The following SLC35A3 variants were observed in gnomAD, a reference collection of about 807,000 sequenced individuals.
SLC35A3 encodes UDP-N-acetylglucosamine transporter.
SLC35A3 carries 26 observed loss-of-function variants against 39.0 expected under a neutral mutation model. The observed-to-expected ratio is 0.67, with a 90% CI of 0.49 to 0.92. The LOEUF is 0.92. Ranked by LOEUF, SLC35A3 falls within the 40% of genes least tolerant of loss-of-function variation. The probability of loss-of-function intolerance (pLI) is 0.00; values close to 1 mark genes in which losing one functional copy is unlikely to be tolerated. For missense variants in SLC35A3, 299 were observed against 371.6 expected (o/e 0.80, Z 1.61); for synonymous variants, 135 against 133.1 (o/e 1.01, Z -0.10).
chr1:100,029,540 C>T lies in SLC35A3; in HGVS notation c.*7064C>T, dbSNP rs750711851. On this transcript the variant is annotated 3_prime_UTR_variant, in exon 8 of 8. Transcript: ENST00000533028. ...CCGCCTCCTGGGTTTGAGCAATTCT[C>T]CTACCTCAGCCTCCCAAGTAGCTGG... is the stretch of plus-strand genomic sequence containing the variant. 1 of 150,372 alleles carries T rather than the reference C, an allele frequency of 6.7e-6. No homozygotes were observed. Among genetic ancestry groups the T allele is most frequent in the Non-Finnish European group, 1.5e-5 (1 of 67,924 alleles). The allele number at this position is 150,372 out of a possible 1,614,324, so 9.3% of individuals were successfully genotyped here. A position where few individuals can be genotyped will look rare whatever the true frequency, so the allele number is the denominator to read the frequency against.
chr1:99,972,525 G>A lies in SLC35A3; in HGVS notation c.-19+2363G>A, dbSNP rs151304037. Reference sequence around the variant, plus strand: ...TAATTTTTGTATTTTTAGTAGAGACGGGGGTTTCACCATGTTGGCCAGGCT... The same window carrying A: ...TAATTTTTGTATTTTTAGTAGAGACAGGGGTTTCACCATGTTGGCCAGGCT... On this transcript the variant is annotated intron_variant, in intron 1 of 7. Coordinates refer to ENST00000533028, the MANE Select transcript of SLC35A3 (RefSeq NM_012243.3). Among the ~76,000 whole-genome samples the A allele has an allele frequency of 7.3e-3, 1,080 of 148,858 alleles. 11 individuals carry two copies. The highest frequency in any genetic ancestry group is 0.026 in the African/African-American group (1,046 of 40,500).
intron 1 of SLC35A3, chr1:99,970,586 A>C: frequency 6.5e-7 from 1 of 1,536,098 alleles, no homozygotes; most frequent in Non-Finnish European, 8.7e-7. Flanking sequence ...GATGCACCCG[A>C]CCAGCACCTG....
chr1:100,034,930 T>A lies in SLC35A3; in HGVS notation c.*12454T>A, dbSNP rs2101567620. 6.6e-6 allele frequency: 1 copy of A among 152,306 alleles called. No individual in the cohort carries two copies. The highest frequency in any genetic ancestry group is 1.9e-4 in the East Asian group (1 of 5,170). The allele number at this position is 152,306 out of a possible 1,614,324, so 9.4% of individuals were successfully genotyped here. On this transcript the variant is annotated 3_prime_UTR_variant, in exon 8 of 8. Coordinates refer to ENST00000533028, the MANE Select transcript of SLC35A3 (RefSeq NM_012243.3). ...TCTCATTAATTTTCAAAACTTCCAA[T>A]ATCCTTCCAAATAATTCCCTTTTGC...
At chr1:99,972,970 T>A (rs1297076900) in intron 1 of SLC35A3, among the ~76,000 whole-genome samples, 1 of 152,226 alleles carries the variant, frequency 6.6e-6, no homozygotes, top group African/African-American at 2.4e-5. Flanking sequence ...GCTGCCTCAA[T>A]TATATTTGAA....
rs983578982 is a variant in SLC35A3 at position 100,032,888 on chromosome 1, T to G, written c.*10412T>G. 1.3e-5 allele frequency: 2 copies of G among 152,236 alleles called. No homozygotes were observed. The highest frequency in any genetic ancestry group is 4.8e-5 in the African/African-American group (2 of 41,464). 9.4% of individuals were successfully genotyped at this position (152,236 alleles called of 1,614,324 possible). On this transcript the variant is annotated 3_prime_UTR_variant, in exon 8 of 8. Transcript: ENST00000533028. ...CATGACCACATTAGTCTTTTAGTCC[T>G]TATTTGCTTTAGGCACAAGAAATCT...
intron 3 of SLC35A3, among the ~76,000 whole-genome samples, chr1:100,004,445 A>C (rs1659052222): frequency 6.6e-6 from 1 of 152,024 alleles, no homozygotes. Context: ...GGGCCTACCC[A>C]TGCACACCAC....
chr1:100,007,005 A>G (rs1170585211), intron 3 of SLC35A3, 29 bp from the exon 4 acceptor site: 5 of 1,572,388 alleles, frequency 3.2e-6, no homozygotes, highest in Middle Eastern at 1.8e-4. Flanking sequence ...ACAAACGAAC[A>G]TTAATAATAT....
rs184050073 is a variant in SLC35A3, at chr1:99,980,284, G to A, written c.-19+10122G>A. 2.0e-5 allele frequency among the ~76,000 whole-genome samples: 3 copies of A among 152,182 alleles called. No homozygotes were observed. The East Asian group carries it at 5.8e-4, about 29-fold the overall frequency. On this transcript the variant is annotated intron_variant, in intron 1 of 7. Transcript: ENST00000533028. ...TGTAGAATATCTTTAACTGTTGTAAGTGGTGGGAAGTGACCATAACAGAAT... is the reference window on the plus strand; with the variant it reads ...TGTAGAATATCTTTAACTGTTGTAAATGGTGGGAAGTGACCATAACAGAAT...
intron 6 of SLC35A3, among the ~76,000 whole-genome samples, chr1:100,016,412 T>A (rs760023121): frequency 7.3e-6 from 1 of 137,924 alleles, no homozygotes; most frequent in South Asian, 2.3e-4. Context: ...CTCGCTCTGT[T>A]GCCCAGGCTG....
intron 4 of SLC35A3, chr1:100,007,955 ATTTTTTT>A (rs66589634): frequency 2.9e-5 from 4 of 136,018 alleles, no homozygotes; most frequent in Admixed American, 7.3e-5. Context: ...TAACTTTTTA[ATTTTTTT>A]TTTTTTTTTG....
At chr1:99,970,398 G>A in intron 1 of SLC35A3, 1 of 621,820 alleles carries the variant, frequency 1.6e-6, no homozygotes, top group East Asian at 2.7e-5. Flanking sequence ...AATGTACTGG[G>A]TGGAGGAGGA....
At chr1:99,982,003 C>CTTTTT (rs549298454) in intron 1 of SLC35A3, among the ~76,000 whole-genome samples, 1 of 125,834 alleles carries the variant, frequency 7.9e-6, no homozygotes. Context: ...AGGATGTATT[C>CTTTTT]TTTTTTTTTT....
chr1:100,022,147 A>G (rs1018021055), intron 7 of SLC35A3, among the ~76,000 whole-genome samples: 2 of 126,626 alleles, frequency 1.6e-5, no homozygotes, highest in African/African-American at 3.9e-5. Context: ...CTGTTTCCTC[A>G]TGTGTAAAAA....
intron 1 of SLC35A3, among the ~76,000 whole-genome samples, chr1:99,984,032 A>G (rs950682587): frequency 6.6e-6 from 1 of 152,210 alleles, no homozygotes; most frequent in Non-Finnish European, 1.5e-5. Context: ...GGATATCCCA[A>G]TTAACCCTCA....
At position 100,024,665 on chromosome 1, in the gene SLC35A3, C is replaced by T. The variant is rs1443090098; in HGVS notation, c.*2189C>T. 2.9e-6 allele frequency: 1 copy of T among 347,408 alleles called. No homozygotes were observed. Among genetic ancestry groups the T allele is most frequent in the Non-Finnish European group, 5.1e-6 (1 of 196,126 alleles). The allele number at this position is 347,408 out of a possible 1,614,324, so 21.5% of individuals were successfully genotyped here. ...GACAGAGTCTCACTTTGTCGCCAGG[C>T]TGGAGTGCTGTGGCGCGATCTCGGC... On this transcript the variant is annotated 3_prime_UTR_variant, in exon 8 of 8. Coordinates refer to ENST00000533028, the MANE Select transcript of SLC35A3 (RefSeq NM_012243.3).
chr1:99,972,775 T>A (rs1030705781), intron 1 of SLC35A3, among the ~76,000 whole-genome samples: 1 of 152,238 alleles, frequency 6.6e-6, no homozygotes, highest in Non-Finnish European at 1.5e-5. Flanking sequence ...CTTGAGTTGT[T>A]ATAGAAACTT....
intron 3 of SLC35A3, among the ~76,000 whole-genome samples, chr1:100,003,631 A>G (rs1658991940): frequency 1.3e-5 from 2 of 152,258 alleles, no homozygotes; most frequent in South Asian, 4.2e-4. Context: ...TGGGAGTTCC[A>G]TTAGGTATAA....
At chr1:99,974,425 C>A (rs1367970406) in intron 1 of SLC35A3, among the ~76,000 whole-genome samples, 1 of 152,190 alleles carries the variant, frequency 6.6e-6, no homozygotes, top group Non-Finnish European at 1.5e-5. Context: ...TGAACTCAGT[C>A]TGAGACCAAA....
Position 100,007,050 on chromosome 1 carries a change from A to C in SLC35A3, c.359A>C (p.Lys120Thr). The C allele has an allele frequency of 6.2e-7, 1 of 1,607,234 alleles. No homozygotes were observed. The highest frequency in any genetic ancestry group is 8.5e-7 in the Non-Finnish European group (1 of 1,177,942). Residue 120 changes from lysine to threonine, a missense_variant, in exon 4 of 8, where the codon AAA becomes ACA. Coordinates refer to ENST00000533028, the MANE Select transcript of SLC35A3 (RefSeq NM_012243.3). Reference sequence around the variant, plus strand: ...CTTTTTCAGGTCACGTATCAGTTAAAAATTCTTACAACAGCATTATTTTCT... The same window carrying C: ...CTTTTTCAGGTCACGTATCAGTTAACAATTCTTACAACAGCATTATTTTCT... The part of the protein sequence containing the change: ...AATYQVTYQL[K>T]ILTTALFSVS...
Sources: allele counts gnomAD v4.1 joint callset (sites outside exome capture counted in the v4.1 genomes callset), GRCh38; gene constraint gnomAD v4.1.1; transcripts MANE v1.5; gene names NCBI Gene and HGNC (gene_info 2026-07-23, HGNC 2026-07-21).